The following MSRA variants were observed in gnomAD, a reference collection of about 807,000 sequenced individuals.
The protein encoded by MSRA is methionine sulfoxide reductase A, also known as mitochondrial peptide methionine sulfoxide reductase.
Under a neutral mutation model 31.3 loss-of-function variants are expected in MSRA, and 54 were observed. The ratio of observed to expected loss-of-function variants is 1.73; its 90% CI spans 1.39 to 2.17. MSRA has a LOEUF of 2.17. MSRA is among the 30% of genes most tolerant of loss of function. The pLI, the probability that MSRA is intolerant of heterozygous loss-of-function variation, is 0.00. For synonymous variants in MSRA, 169 were observed against 116.5 expected (o/e 1.45, Z -2.90); for missense variants, 507 against 300.9 (o/e 1.69, Z -5.07).
intron 5 of MSRA, among the ~76,000 whole-genome samples, chr8:10,365,700 G>A (rs372628844): frequency 2.6e-5 from 4 of 152,200 alleles, no homozygotes; most frequent in East Asian, 3.8e-4. Flanking sequence ...CGGTTTCAGG[G>A]AGAAGGGATC....
chr8:10,206,235 A>C (rs1808961740), intron 1 of MSRA, among the ~76,000 whole-genome samples: 1 of 152,144 alleles, frequency 6.6e-6, no homozygotes. Context: ...TTCAGTAACC[A>C]GTGGTCCTAA....
At chr8:10,210,039 A>G (rs1285416327) in intron 2 of MSRA, among the ~76,000 whole-genome samples, 1 of 152,038 alleles carries the variant, frequency 6.6e-6, no homozygotes, top group East Asian at 1.9e-4. Context: ...ACTTTCTATC[A>G]CTTGTCGCCC....
intron 1 of MSRA, among the ~76,000 whole-genome samples, chr8:10,059,935 C>G (rs140724401): frequency 6.6e-6 from 1 of 152,150 alleles, no homozygotes; most frequent in African/African-American, 2.4e-5. Flanking sequence ...TTCAGACTGG[C>G]AGAAATCCAG....
At chr8:10,149,160 C>T (rs1425038896) in intron 1 of MSRA, among the ~76,000 whole-genome samples, 7 of 150,940 alleles carry the variant, frequency 4.6e-5, no homozygotes, top group Admixed American at 2.6e-4. Context: ...TTGCTCTCGT[C>T]GCCTGGGCTG....
intron 5 of MSRA, among the ~76,000 whole-genome samples, chr8:10,409,539 A>C (rs1311798053): frequency 6.6e-6 from 1 of 152,144 alleles, no homozygotes; most frequent in African/African-American, 2.4e-5. Context: ...TTTGCTAAGC[A>C]CCCTTCTTAC....
chr8:10,218,698 C>T (rs986518316), intron 2 of MSRA, among the ~76,000 whole-genome samples: 2 of 152,136 alleles, frequency 1.3e-5, no homozygotes, highest in Non-Finnish European at 2.9e-5. Context: ...TGGCTCTAAA[C>T]GTGTATTCCC....
At chr8:10,319,056 C>T (rs1801891046) in intron 4 of MSRA, among the ~76,000 whole-genome samples, 1 of 152,140 alleles carries the variant, frequency 6.6e-6, no homozygotes, top group Non-Finnish European at 1.5e-5. Flanking sequence ...TGAACTTACC[C>T]ACTCCCTTTC....
At chr8:10,251,590 C>G (rs920205181) in intron 3 of MSRA, among the ~76,000 whole-genome samples, 6 of 152,124 alleles carry the variant, frequency 3.9e-5, no homozygotes, top group African/African-American at 1.4e-4. Flanking sequence ...GCTTATCTCT[C>G]TCAAACCAAG....
intron 1 of MSRA, among the ~76,000 whole-genome samples, chr8:10,093,317 T>A (rs1171205367): frequency 6.6e-6 from 1 of 152,182 alleles, no homozygotes; most frequent in Non-Finnish European, 1.5e-5. Context: ...TTTAATTTCC[T>A]TGCCATTTAT....
chr8:10,394,652 G>A (rs938586970), intron 5 of MSRA, among the ~76,000 whole-genome samples: 8 of 152,238 alleles, frequency 5.3e-5, no homozygotes, highest in African/African-American at 1.7e-4. Flanking sequence ...GCTGAGAGAA[G>A]GCACCAAACC....
intron 1 of MSRA, among the ~76,000 whole-genome samples, chr8:10,139,730 A>G (rs1405510072): frequency 6.6e-6 from 1 of 152,190 alleles, no homozygotes; most frequent in Non-Finnish European, 1.5e-5. Context: ...GTATGTATGT[A>G]TATGTATATA....
At chr8:10,127,718 G>A (rs1460808094) in intron 1 of MSRA, among the ~76,000 whole-genome samples, 1 of 152,216 alleles carries the variant, frequency 6.6e-6, no homozygotes, top group Non-Finnish European at 1.5e-5. Flanking sequence ...TAGCTAACTT[G>A]ATCAAAATTC....
At chr8:10,201,563 G>C (rs956399009) in intron 1 of MSRA, among the ~76,000 whole-genome samples, 1 of 152,146 alleles carries the variant, frequency 6.6e-6, no homozygotes, top group Non-Finnish European at 1.5e-5. Context: ...ATCCCTGATT[G>C]GTTTATGCCT....
At chr8:10,067,918 C>G (rs1240026039) in intron 1 of MSRA, among the ~76,000 whole-genome samples, 1 of 106,288 alleles carries the variant, frequency 9.4e-6, no homozygotes, top group Non-Finnish European at 1.7e-5. Flanking sequence ...CAGTCTTACA[C>G]TATTGCCCAG....
At chr8:10,244,974 G>T in intron 2 of MSRA, 130 bp from the exon 3 acceptor site, 2 of 625,140 alleles carry the variant, frequency 3.2e-6, no homozygotes, top group South Asian at 3.4e-5. Flanking sequence ...TAAAATCTTA[G>T]TCATTTTTGG....
At chr8:10,335,261 T>TTG (rs1182202283) in intron 5 of MSRA, among the ~76,000 whole-genome samples, 2 of 148,048 alleles carry the variant, frequency 1.4e-5, no homozygotes, top group East Asian at 2.0e-4. Flanking sequence ...TTTTTTTTTT[T>TTG]TTTTTTTTTT....
At chr8:10,151,680 A>G (rs1371992229) in intron 1 of MSRA, among the ~76,000 whole-genome samples, 1 of 152,178 alleles carries the variant, frequency 6.6e-6, no homozygotes, top group Non-Finnish European at 1.5e-5. Context: ...AGAACATTCT[A>G]GCAGGAGAAA....
At chr8:10,237,016 C>T (rs1366351382) in intron 2 of MSRA, among the ~76,000 whole-genome samples, 2 of 152,204 alleles carry the variant, frequency 1.3e-5, no homozygotes, top group African/African-American at 4.8e-5. Context: ...GCTGATAGTA[C>T]AAACACTCAC....
chr8:10,294,619 A>C (rs139088266), intron 3 of MSRA, among the ~76,000 whole-genome samples: 1,921 of 152,266 alleles, frequency 0.013, 15 homozygotes, highest in African/African-American at 0.027. Context: ...CCATCTGTCT[A>C]GATAGGTATC....
Sources: gnomAD v4.1 joint callset for allele counts (sites outside exome capture counted in the v4.1 genomes callset) on GRCh38, gnomAD v4.1.1 for gene constraint, MANE v1.5 for transcripts, NCBI Gene and HGNC (gene_info 2026-07-23, HGNC 2026-07-21) for gene names.